The following PPP1R12B variants were observed in gnomAD, a reference collection of about 807,000 sequenced individuals.
PPP1R12B encodes myosin phosphatase target subunit 2.
Under a neutral mutation model 126.1 loss-of-function variants are expected in PPP1R12B, and 76 were observed. The observed-to-expected ratio is 0.60, with a 90% confidence interval of 0.50 to 0.73. PPP1R12B has a LOEUF of 0.73. Ranked by LOEUF, PPP1R12B falls within the 30% of genes least tolerant of loss-of-function variation. PPP1R12B has a pLI of 0.00. For synonymous variants in PPP1R12B, 356 were observed against 434.7 expected (o/e 0.82, Z 2.25); for missense variants, 1,052 against 1,205.1 (o/e 0.87, Z 1.88).
At chr1:202,548,808 C>CTCTCTCTCTATATATA (rs1218548068) in intron 18 of PPP1R12B, among the ~76,000 whole-genome samples, 1 of 72,992 alleles carries the variant, frequency 1.4e-5, no homozygotes, top group East Asian at 4.9e-4. Context: ...CTCTCTCTCT[C>CTCTCTCTCTATATATA]TATATATATA....
Position 202,348,708 on chromosome 1 carries a change from G to T in PPP1R12B, c.-144G>T, listed in dbSNP as rs1340662321. ...GAGGGAGCGTGCGGGCGGTACTACT[G>T]GCGGGAGGAGTAAAGATGGCGGCGC... is the stretch of plus-strand genomic sequence containing the variant. On this transcript the variant is annotated 5_prime_UTR_variant, in exon 1 of 24. Coordinates refer to ENST00000608999, the MANE Select transcript of PPP1R12B (RefSeq NM_002481.4). 1 of 1,063,672 alleles carries T rather than the reference G, an allele frequency of 9.4e-7. No individual in the cohort carries two copies. The highest frequency in any genetic ancestry group is 1.7e-5 in the South Asian group (1 of 59,320). The allele number at this position is 1,063,672 out of a possible 1,614,324, so 65.9% of individuals were successfully genotyped here. A position where few individuals can be genotyped will look rare whatever the true frequency, so the allele number is the denominator to read the frequency against.
intron 13 of PPP1R12B, among the ~76,000 whole-genome samples, chr1:202,487,107 G>A (rs535958352): frequency 1.3e-5 from 2 of 152,108 alleles, no homozygotes; most frequent in South Asian, 2.1e-4. Context: ...AGTTGAGCTT[G>A]TCCCAAGAAT....
intron 13 of PPP1R12B, among the ~76,000 whole-genome samples, chr1:202,466,846 A>G (rs1675059889): frequency 1.3e-5 from 2 of 152,226 alleles, no homozygotes; most frequent in South Asian, 4.1e-4. Context: ...TAAAAAGGCA[A>G]GAGAAAGTCT....
chr1:202,348,775 G>C lies in PPP1R12B; in HGVS notation c.-77G>C. On this transcript the variant is annotated 5_prime_UTR_variant, in exon 1 of 24. Transcript: ENST00000608999. ...TGCTCCGGGCTGAAGCGCTCTGAGAGAGGCGGCAGCGGCAACTCGAGCCCC... is the reference window on the plus strand; with the variant it reads ...TGCTCCGGGCTGAAGCGCTCTGAGACAGGCGGCAGCGGCAACTCGAGCCCC... 4.0e-6 allele frequency: 6 copies of C among 1,499,674 alleles called. No individual in the cohort carries two copies. The highest frequency in any genetic ancestry group is 5.3e-6 in the Non-Finnish European group (6 of 1,126,036). 92.9% of individuals were successfully genotyped at this position (1,499,674 alleles called of 1,614,324 possible). A position where few individuals can be genotyped will look rare whatever the true frequency, so the allele number is the denominator to read the frequency against.
intron 22 of PPP1R12B, among the ~76,000 whole-genome samples, chr1:202,568,887 T>C (rs750831172): frequency 5.3e-5 from 8 of 152,198 alleles, no homozygotes; most frequent in Non-Finnish European, 1.2e-4. Context: ...CTTCTTCTGT[T>C]TGCATATTAG....
At chr1:202,372,057 G>A (rs1660376494) in intron 1 of PPP1R12B, among the ~76,000 whole-genome samples, 1 of 151,940 alleles carries the variant, frequency 6.6e-6, no homozygotes, top group Middle Eastern at 3.4e-3. Flanking sequence ...TTTTTGTAGA[G>A]ACTGGATTTC....
In PPP1R12B at chr1:202,562,924, T is replaced by C; in HGVS notation, c.2652+2T>C. On this transcript the variant is annotated splice_donor_variant, in intron 20 of 23. Coordinates refer to ENST00000608999, the MANE Select transcript of PPP1R12B (RefSeq NM_002481.4). LOFTEE classifies it high-confidence loss of function. Reference sequence around the variant, plus strand: ...GACAGCAACAGAGATTATAAAAAAGTAGGGTCTTTATTCAATTTTCCGGTT... The same window carrying C: ...GACAGCAACAGAGATTATAAAAAAGCAGGGTCTTTATTCAATTTTCCGGTT... 6.4e-7 allele frequency: 1 copy of C among 1,560,808 alleles called. No individual in the cohort carries two copies. The highest frequency in any genetic ancestry group is 8.6e-7 in the Non-Finnish European group (1 of 1,158,306).
chr1:202,351,533 A>G (rs1343039461), intron 1 of PPP1R12B, among the ~76,000 whole-genome samples: 3 of 152,150 alleles, frequency 2.0e-5, no homozygotes, highest in Admixed American at 6.5e-5. Flanking sequence ...GCCACCGCGC[A>G]TGGCCGACCT....
At chr1:202,544,355 A>G (rs1190385000) in intron 18 of PPP1R12B, among the ~76,000 whole-genome samples, 1 of 152,176 alleles carries the variant, frequency 6.6e-6, no homozygotes, top group Non-Finnish European at 1.5e-5. Context: ...GAACTACTCA[A>G]TTTAGATGGT....
At chr1:202,574,952 G>A (rs771306355) in intron 23 of PPP1R12B, 7 of 1,512,784 alleles carry the variant, frequency 4.6e-6, no homozygotes, top group African/African-American at 4.2e-5. Flanking sequence ...GGTCTGTCTT[G>A]TCTCTCTCTG....
Position 202,580,703 on chromosome 1 carries a change from A to G in PPP1R12B, c.*143A>G, listed in dbSNP as rs778322816. 17 of 659,512 alleles carry G rather than the reference A, an allele frequency of 2.6e-5. No homozygotes were observed. The highest frequency in any genetic ancestry group is 4.1e-5 in the Non-Finnish European group (15 of 369,108). The allele number at this position is 659,512 out of a possible 1,614,324, so 40.9% of individuals were successfully genotyped here. A position where few individuals can be genotyped will look rare whatever the true frequency, so the allele number is the denominator to read the frequency against. ...TCTATCACCCTCTTCAGTCACCTCT[A>G]TACACTCTACATTTTCTCTGCACTT... On this transcript the variant is annotated 3_prime_UTR_variant, in exon 24 of 24. Transcript: ENST00000608999.
intron 1 of PPP1R12B, among the ~76,000 whole-genome samples, chr1:202,389,664 C>G (rs1296575114): frequency 6.6e-6 from 1 of 150,938 alleles, no homozygotes; most frequent in Non-Finnish European, 1.5e-5. Context: ...GAAGGCCGGG[C>G]GAGGTGGCTA....
intron 1 of PPP1R12B, among the ~76,000 whole-genome samples, chr1:202,400,092 T>C (rs959587564): frequency 1.7e-4 from 26 of 152,224 alleles, no homozygotes; most frequent in Non-Finnish European, 2.6e-4. Context: ...TAGCTCACAC[T>C]TATAAGTGAG....
At chr1:202,468,517 AT>A (rs779274558) in intron 13 of PPP1R12B, among the ~76,000 whole-genome samples, 2 of 152,182 alleles carry the variant, frequency 1.3e-5, no homozygotes, top group Non-Finnish European at 2.9e-5. Context: ...GCAACATTTT[AT>A]TCCTGATACT....
chr1:202,555,878 C>A (rs1249948102), intron 18 of PPP1R12B, among the ~76,000 whole-genome samples: 1 of 142,232 alleles, frequency 7.0e-6, no homozygotes, highest in Non-Finnish European at 1.5e-5. Context: ...ATATAATATT[C>A]TTTTTTTTTT....
chr1:202,521,951 GAATACAAGTATAAGAAAA>G (rs1682832763), intron 18 of PPP1R12B, among the ~76,000 whole-genome samples: 1 of 152,118 alleles, frequency 6.6e-6, no homozygotes, highest in Non-Finnish European at 1.5e-5. Flanking sequence ...CTGAAATTCT[GAATACAAGTATAAGAAAA>G]AATTCTGAAT....
At chr1:202,516,907 GATT>G (rs1682211749) in intron 18 of PPP1R12B, among the ~76,000 whole-genome samples, 2 of 151,038 alleles carry the variant, frequency 1.3e-5, no homozygotes, top group African/African-American at 4.9e-5. Context: ...CTAGTTATTG[GATT>G]AGTTAGTGAG....
chr1:202,394,679 A>G lies in PPP1R12B; in HGVS notation c.292-22108A>G, dbSNP rs554564545. On this transcript the variant is annotated intron_variant, in intron 1 of 23. Transcript: ENST00000608999. ...TGAGGCAGGAAAATCACTTGAACCCATGAGGCGGACGTTGCGGTGAGCCGA... is the reference window on the plus strand; with the variant it reads ...TGAGGCAGGAAAATCACTTGAACCCGTGAGGCGGACGTTGCGGTGAGCCGA... Among the ~76,000 whole-genome samples the G allele has an allele frequency of 8.5e-5, 13 of 152,196 alleles. No individual in the cohort carries two copies. In the East Asian group the frequency reaches 1.5e-3, roughly 18 times the overall value.
At chr1:202,424,029 C>A (rs947772567) in intron 3 of PPP1R12B, among the ~76,000 whole-genome samples, 12 of 152,180 alleles carry the variant, frequency 7.9e-5, no homozygotes, top group Non-Finnish European at 1.2e-4. Flanking sequence ...GCTTAACCTC[C>A]AGCCTCAATC....
Sources: gnomAD v4.1 joint callset for allele counts (sites outside exome capture counted in the v4.1 genomes callset) on GRCh38, gnomAD v4.1.1 for gene constraint, MANE v1.5 for transcripts, NCBI Gene and HGNC (gene_info 2026-07-23, HGNC 2026-07-21) for gene names.